Variants in ANKDD1A observed in about 807,000 individuals in gnomAD.
The protein encoded by ANKDD1A is ankyrin repeat and death domain-containing protein 1A.
In ANKDD1A, 59 loss-of-function variants were observed where a neutral mutation model predicts 63.5. That is an observed-to-expected ratio of 0.93 (90% CI 0.75 to 1.15). ANKDD1A has a LOEUF of 1.15. Ranked by LOEUF, ANKDD1A falls within the 50% of genes most tolerant of loss-of-function variation. The pLI is 0.00. For synonymous variants in ANKDD1A, 266 were observed against 263.9 expected (o/e 1.01, Z -0.08); for missense variants, 632 against 656.4 (o/e 0.96, Z 0.41).
rs372911545 is a variant in ANKDD1A at position 64,934,221 on chromosome 15, A to G, written c.854A>G (p.Asn285Ser). The change falls in exon 9 of 15, where the codon AAC becomes AGC. Residue 285 changes from asparagine to serine, a missense_variant. Transcript: ENST00000319580. Reference protein sequence around the residue: ...RVLIHAGGCANVVDHQGASPL... With the variant: ...RVLIHAGGCASVVDHQGASPL... ...CTCATCCACGCAGGAGGCTGCGCCA[A>G]CGTGGTTGATCATGTAAGTATGGTG... The G allele has an allele frequency of 5.0e-6, 8 of 1,611,788 alleles. No individual in the cohort carries two copies. Among genetic ancestry groups the G allele is most frequent in the East Asian group, 4.5e-5 (2 of 44,814 alleles).
intron 2 of ANKDD1A, among the ~76,000 whole-genome samples, chr15:64,916,571 C>A (rs1170546681): frequency 6.6e-6 from 1 of 152,174 alleles, no homozygotes; most frequent in Non-Finnish European, 1.5e-5. Flanking sequence ...AAGCTGTCCT[C>A]CCACCTCAGC....
chr15:64,941,820 C>T (rs988840809), intron 9 of ANKDD1A, among the ~76,000 whole-genome samples: 1 of 152,108 alleles, frequency 6.6e-6, no homozygotes, highest in Non-Finnish European at 1.5e-5. Flanking sequence ...TGGTGTCTTC[C>T]ACTGTTGAAG....
chr15:64,950,727 C>CGGGGGGG, intron 14 of ANKDD1A: 3 of 424,982 alleles, frequency 7.1e-6, no homozygotes, highest in Non-Finnish European at 7.8e-6. Flanking sequence ...AAAGAAAGGA[C>CGGGGGGG]CGCCCCCCCC....
At chr15:64,915,276 G>A (rs1421137815) in intron 1 of ANKDD1A, among the ~76,000 whole-genome samples, 2 of 152,224 alleles carry the variant, frequency 1.3e-5, no homozygotes, top group East Asian at 3.8e-4. Flanking sequence ...CTGCACTCCA[G>A]CCTGGGCAAC....
At chr15:64,954,322 GTTCTTCC>G (rs796996561) in intron 14 of ANKDD1A, among the ~76,000 whole-genome samples, 124,668 of 141,112 alleles carry the variant, frequency 0.88, 55,513 homozygotes, top group East Asian at 0.99. Flanking sequence ...TTCCTTCTTA[GTTCTTCC>G]TTCTTCTTCC....
rs539274587 is a variant in ANKDD1A, at chr15:64,934,198, C to T, written c.831C>T (p.Leu277=). 35 of 1,612,508 alleles carry T rather than the reference C, an allele frequency of 2.2e-5. No individual in the cohort carries two copies. Among genetic ancestry groups the T allele is most frequent in the Admixed American group, 6.7e-5 (4 of 59,862 alleles). Residue 277 remains leucine (L), a synonymous_variant, in exon 9 of 15, where the codon CTC becomes CTT. Coordinates refer to ENST00000319580, the MANE Select transcript of ANKDD1A (RefSeq NM_182703.6). The part of the protein sequence containing the change: ...LSGSEDVSRV[L]IHAGGCANVV... ...GCTCGGAGGATGTGTCTCGGGTCCTCATCCACGCAGGAGGCTGCGCCAACG... is the reference window on the plus strand; with the variant it reads ...GCTCGGAGGATGTGTCTCGGGTCCTTATCCACGCAGGAGGCTGCGCCAACG...
intron 10 of ANKDD1A, 25 bp from the exon 11 acceptor site, chr15:64,943,459 C>T: frequency 1.2e-6 from 2 of 1,610,002 alleles, no homozygotes; most frequent in South Asian, 2.2e-5. Flanking sequence ...TTTTCACTTA[C>T]CTATTCCCTT....
intron 14 of ANKDD1A, among the ~76,000 whole-genome samples, chr15:64,954,847 CTT>C: frequency 4.0e-5 from 1 of 24,946 alleles, no homozygotes; most frequent in South Asian, 1.6e-3. Flanking sequence ...TTTCTTCTTC[CTT>C]CTTCTTCTTT....
chr15:64,954,764 TTCTTTC>T (rs1195658173), intron 14 of ANKDD1A, among the ~76,000 whole-genome samples: 2 of 147,698 alleles, frequency 1.4e-5, no homozygotes, highest in African/African-American at 5.3e-5. Flanking sequence ...CTTTTTGTTC[TTCTTTC>T]TTCTTCTCCT....
At chr15:64,913,520 G>A (rs2084947588) in intron 1 of ANKDD1A, among the ~76,000 whole-genome samples, 1 of 152,090 alleles carries the variant, frequency 6.6e-6, no homozygotes, top group Admixed American at 6.6e-5. Context: ...TCGCACTCCT[G>A]TTTTGCAGAT....
At chr15:64,928,490 C>T (rs1567111835) in intron 6 of ANKDD1A, among the ~76,000 whole-genome samples, 1 of 152,214 alleles carries the variant, frequency 6.6e-6, no homozygotes. Flanking sequence ...TGCAAAGAAG[C>T]TTTTAAAATT....
intron 9 of ANKDD1A, 39 bp downstream of exon 9, chr15:64,934,273 A>G: frequency 6.3e-7 from 1 of 1,576,532 alleles, no homozygotes; most frequent in Middle Eastern, 1.7e-4. Context: ...TCTCCATTGC[A>G]AAGCCTTCCA....
intron 10 of ANKDD1A, 147 bp downstream of exon 10, chr15:64,942,712 A>G (rs2140379249): frequency 1.6e-6 from 1 of 629,702 alleles, no homozygotes; most frequent in South Asian, 2.2e-5. Context: ...AGTAATCTAA[A>G]TAGTTGCTGA....
At chr15:64,951,968 TTTC>T (rs533885089) in intron 14 of ANKDD1A, among the ~76,000 whole-genome samples, 40 of 150,106 alleles carry the variant, frequency 2.7e-4, no homozygotes, top group African/African-American at 7.8e-4. Context: ...TCTGCTCTTC[TTTC>T]TTCTTCCTTC....
intron 12 of ANKDD1A, among the ~76,000 whole-genome samples, chr15:64,946,947 A>C (rs2085227831): frequency 6.6e-6 from 1 of 152,194 alleles, no homozygotes; most frequent in Non-Finnish European, 1.5e-5. Context: ...GCTTTGCTAG[A>C]AAGGATTTTG....
At chr15:64,944,290 T>C (rs984464002) in intron 11 of ANKDD1A, among the ~76,000 whole-genome samples, 1 of 152,132 alleles carries the variant, frequency 6.6e-6, no homozygotes, top group Non-Finnish European at 1.5e-5. Flanking sequence ...AAAAGTGACA[T>C]GATAAACCCA....
chr15:64,916,673 A>G (rs147763544), intron 2 of ANKDD1A, among the ~76,000 whole-genome samples: 1 of 152,322 alleles, frequency 6.6e-6, no homozygotes, highest in East Asian at 1.9e-4. Context: ...TATTTCAGGC[A>G]GAGGGAATAG....
intron 14 of ANKDD1A, among the ~76,000 whole-genome samples, chr15:64,955,090 T>C (rs1212052580): frequency 6.6e-6 from 1 of 151,820 alleles, no homozygotes; most frequent in Non-Finnish European, 1.5e-5. Context: ...AGTCTTACTC[T>C]GTTGCCAGGC....
rs758990590 is a variant in ANKDD1A, at chr15:64,917,402, T to C, written c.155T>C (p.Leu52Pro). The part of the protein sequence containing the change: ...RARNHVGRVA[L>P]HWAAGAGHEQ... The stretch of plus-strand genomic sequence containing the variant: ...TCCGGGCAGGTGGGCAGGGTGGCCC[T>C]GCACTGGGCTGCAGGTGCAGGGCAC... Residue 52 changes from leucine (L) to proline (P), a missense_variant, in exon 3 of 15, where the codon CTG (leucine) becomes CCG (proline). Transcript: ENST00000319580. 3 of 1,610,310 alleles carry C rather than the reference T, an allele frequency of 1.9e-6. No homozygotes were observed. Among genetic ancestry groups the C allele is most frequent in the Non-Finnish European group, 2.5e-6 (3 of 1,178,872 alleles).
Sources: allele counts gnomAD v4.1 joint callset (sites outside exome capture counted in the v4.1 genomes callset), GRCh38; gene constraint gnomAD v4.1.1; transcripts MANE v1.5; gene names NCBI Gene and HGNC (gene_info 2026-07-23, HGNC 2026-07-21).